SCMH1: variants seen among roughly 807,000 people sequenced by gnomAD.
SCMH1 encodes the protein Scm polycomb group protein homolog 1.
In SCMH1, 37 loss-of-function variants were observed where a neutral mutation model predicts 70.8. The ratio of observed to expected loss-of-function variants is 0.52; its 90% CI spans 0.40 to 0.69. SCMH1 has a LOEUF of 0.69. Among genes scored for constraint, SCMH1 ranks in the 30% least tolerant of loss-of-function variants. SCMH1 has a pLI of 0.00. For missense variants in SCMH1, 607 were observed against 827.3 expected (o/e 0.73, Z 3.27); for synonymous variants, 292 against 307.4 (o/e 0.95, Z 0.52).
rs951786427 is a variant in SCMH1 at position 41,103,906 on chromosome 1, C to G, written c.745+9377G>C. 2.0e-5 allele frequency among the ~76,000 whole-genome samples: 3 copies of G among 152,242 alleles called. No homozygotes were observed. In the East Asian group the frequency reaches 5.8e-4, roughly 29 times the overall value. Reference sequence around the variant, plus strand: ...AGATTCTCTGCTTCATAATCTACTCCACCCATCTCACTTCCCCATTTTCCT... The same window carrying G: ...AGATTCTCTGCTTCATAATCTACTCGACCCATCTCACTTCCCCATTTTCCT... On this transcript the variant is annotated intron_variant, in intron 8 of 14. Transcript: ENST00000337495.
chr1:41,174,950 G>A (rs1482075258), intron 2 of SCMH1, among the ~76,000 whole-genome samples: 3 of 152,168 alleles, frequency 2.0e-5, no homozygotes, highest in Non-Finnish European at 4.4e-5. Context: ...TTTATGTTAG[G>A]TAGAATAATG....
At chr1:41,168,632 C>CTTTTT (rs543282078) in intron 2 of SCMH1, among the ~76,000 whole-genome samples, 3 of 104,714 alleles carry the variant, frequency 2.9e-5, no homozygotes, top group Non-Finnish European at 3.8e-5. Context: ...GGAGATTTGT[C>CTTTTT]TTTTTTTTTT....
intron 6 of SCMH1, among the ~76,000 whole-genome samples, chr1:41,127,176 T>G (rs996727510): frequency 3.9e-5 from 6 of 152,208 alleles, no homozygotes; most frequent in African/African-American, 1.2e-4. Context: ...GTTCATGCCT[T>G]AAGATCATTT....
chr1:41,081,376 A>G (rs1359088263), intron 8 of SCMH1, among the ~76,000 whole-genome samples: 2 of 152,268 alleles, frequency 1.3e-5, no homozygotes, highest in Non-Finnish European at 2.9e-5. Context: ...TGTGTGGTGT[A>G]TGTATGCAAA....
At chr1:41,186,368 G>C in intron 1 of SCMH1, 118 bp from the exon 2 acceptor site, 1 of 353,352 alleles carries the variant, frequency 2.8e-6, no homozygotes, top group East Asian at 4.5e-5. Context: ...TTTAGATACA[G>C]ATTTTTTGCT....
chr1:41,238,882 T>A (rs1317470084), intron 1 of SCMH1, among the ~76,000 whole-genome samples: 2 of 152,190 alleles, frequency 1.3e-5, no homozygotes, highest in Non-Finnish European at 2.9e-5. Context: ...AGAATTGAAC[T>A]CATCATCGTT....
At chr1:41,100,060 T>A (rs922783430) in intron 8 of SCMH1, among the ~76,000 whole-genome samples, 14 of 152,194 alleles carry the variant, frequency 9.2e-5, no homozygotes, top group African/African-American at 1.2e-4. Context: ...TATACTCTGA[T>A]TATTGATTAT....
chr1:41,080,632 G>A (rs1571888331), intron 8 of SCMH1, among the ~76,000 whole-genome samples: 1 of 151,952 alleles, frequency 6.6e-6, no homozygotes, highest in East Asian at 1.9e-4. Flanking sequence ...AATACAATCC[G>A]CTGAACACAT....
chr1:41,130,819 G>A (rs1572429631), intron 6 of SCMH1, among the ~76,000 whole-genome samples: 1 of 152,118 alleles, frequency 6.6e-6, no homozygotes, highest in Non-Finnish European at 1.5e-5. Flanking sequence ...CTGGACTCTG[G>A]AAACCACAAA....
chr1:41,091,413 AC>A (rs1365491305), intron 8 of SCMH1, among the ~76,000 whole-genome samples: 1 of 152,214 alleles, frequency 6.6e-6, no homozygotes, highest in Admixed American at 6.5e-5. Flanking sequence ...TTTATGACAA[AC>A]CCACAGCCAA....
intron 9 of SCMH1, among the ~76,000 whole-genome samples, chr1:41,073,618 T>TCATCCATC (rs3831833): frequency 0.036 from 5,327 of 148,702 alleles, 107 homozygotes; most frequent in Middle Eastern, 0.045. Context: ...ATCACTAAAA[T>TCATCCATC]CATCCATCCA....
chr1:41,042,899 C>T (rs990977100), intron 12 of SCMH1, among the ~76,000 whole-genome samples: 2 of 151,286 alleles, frequency 1.3e-5, no homozygotes, highest in Non-Finnish European at 2.9e-5. Context: ...GCCAATGTCA[C>T]GTCGTGAAAG....
intron 10 of SCMH1, among the ~76,000 whole-genome samples, chr1:41,070,385 C>T (rs561759396): frequency 5.3e-5 from 8 of 152,316 alleles, no homozygotes; most frequent in African/African-American, 1.7e-4. Flanking sequence ...TTGGTGCTAT[C>T]CCTGCATTAG....
intron 7 of SCMH1, 32 bp downstream of exon 7, chr1:41,116,890 C>T (rs753643474): frequency 1.9e-6 from 3 of 1,558,598 alleles, no homozygotes; most frequent in South Asian, 2.4e-5. Context: ...CTTAAGCAGC[C>T]TGGAGCTGGT....
chr1:41,053,349 C>T (rs746927733), intron 10 of SCMH1, among the ~76,000 whole-genome samples: 1 of 152,122 alleles, frequency 6.6e-6, no homozygotes, highest in Non-Finnish European at 1.5e-5. Flanking sequence ...TTAGACTATG[C>T]AGAAACAACA....
chr1:41,069,156 C>T (rs2148865718), intron 10 of SCMH1, among the ~76,000 whole-genome samples: 1 of 152,222 alleles, frequency 6.6e-6, no homozygotes, highest in Non-Finnish European at 1.5e-5. Flanking sequence ...CTACATGGCT[C>T]AATTGAGAAC....
intron 5 of SCMH1, among the ~76,000 whole-genome samples, chr1:41,144,651 G>GT (rs1644391305): frequency 6.6e-6 from 1 of 152,084 alleles, no homozygotes; most frequent in African/African-American, 2.4e-5. Context: ...TGGTAACTCT[G>GT]TTTAACACTT....
At chr1:41,149,756 C>T (rs980609787) in intron 5 of SCMH1, among the ~76,000 whole-genome samples, 7 of 152,168 alleles carry the variant, frequency 4.6e-5, no homozygotes, top group Non-Finnish European at 1.0e-4. Context: ...GAGTATCATA[C>T]CCAGTGCCCA....
intron 2 of SCMH1, among the ~76,000 whole-genome samples, chr1:41,161,932 C>T (rs2148433076): frequency 6.6e-6 from 1 of 152,296 alleles, no homozygotes; most frequent in Non-Finnish European, 1.5e-5. Context: ...AGCGGTGGGC[C>T]ATCTGGAGCA....
Sources: gnomAD v4.1 joint callset for allele counts (sites outside exome capture counted in the v4.1 genomes callset) on GRCh38, gnomAD v4.1.1 for gene constraint, MANE v1.5 for transcripts, NCBI Gene and HGNC (gene_info 2026-07-23, HGNC 2026-07-21) for gene names.